The following PABPN1L variants were observed in gnomAD, a reference collection of about 807,000 sequenced individuals.
The protein encoded by PABPN1L is PABPN1 like, cytoplasmic.
A neutral mutation model predicts 34.0 loss-of-function variants in PABPN1L; 45 were observed. The ratio of observed to expected loss-of-function variants is 1.32; its 90% CI spans 1.04 to 1.70. The LOEUF (loss-of-function observed/expected upper bound fraction) is 1.70, where lower values mean the gene tolerates loss of function less well. Among genes scored for constraint, PABPN1L ranks in the 40% most tolerant of loss-of-function variants. The pLI is 0.00. For missense variants in PABPN1L, 459 were observed against 367.8 expected (o/e 1.25, Z -2.03); for synonymous variants, 182 against 152.1 (o/e 1.20, Z -1.45).
chr16:88,867,364 A>G (rs902409884), upstream of PABPN1L, among the ~76,000 whole-genome samples: 4 of 151,612 alleles, frequency 2.6e-5, no homozygotes, highest in Admixed American at 2.6e-4. Flanking sequence ...AGTAGCTGGG[A>G]TTACAGGCAC....
At chr16:88,863,536 G>A (rs555139434) in exon 7 of PABPN1L, 266 of 648,972 alleles carry the variant, frequency 4.1e-4, no homozygotes, top group African/African-American at 2.9e-3. Context: ...GCTCACCACC[G>A]GGCCGTGGCT....
At chr16:88,863,587 AGGCCCTACTG>A in exon 7 of PABPN1L, 1 of 850,760 alleles carries the variant, frequency 1.2e-6, no homozygotes, top group South Asian at 1.4e-5. Context: ...CCACCATACA[AGGCCCTACTG>A]GGCCATCCCC....
chr16:88,867,442 G>T (rs1300026528), upstream of PABPN1L, among the ~76,000 whole-genome samples: 2 of 152,110 alleles, frequency 1.3e-5, no homozygotes, highest in Non-Finnish European at 2.9e-5. Flanking sequence ...TGTTGCCCAG[G>T]CTGGTCTCGA....
chr16:88,864,556 C>T (rs920989709), intron 5 of PABPN1L, among the ~76,000 whole-genome samples, 177 bp from the exon 6 acceptor site: 2 of 133,374 alleles, frequency 1.5e-5, no homozygotes, highest in African/African-American at 3.1e-5. Context: ...CCGTCACGGC[C>T]AGCACCCCTG....
chr16:88,868,144 C>T (rs141819900), upstream of PABPN1L, among the ~76,000 whole-genome samples: 625 of 152,310 alleles, frequency 4.1e-3, 3 homozygotes, highest in African/African-American at 0.014. Context: ...AGCCTGGGAA[C>T]CCAGGCTCCT....
intron 3 of PABPN1L, 137 bp from the exon 4 acceptor site, chr16:88,865,265 G>T: frequency 1.1e-6 from 1 of 894,990 alleles, no homozygotes; most frequent in Non-Finnish European, 1.7e-6. Context: ...CCACACCCCC[G>T]CTGGGGTTGG....
At chr16:88,863,792 G>A (rs1348417539) in exon 7 of PABPN1L, 1 of 1,535,976 alleles carries the variant, frequency 6.5e-7, no homozygotes, top group Admixed American at 2.0e-5. Context: ...ATTTTCCACG[G>A]GCCCTGCACG....
intron 5 of PABPN1L, 91 bp downstream of exon 5, chr16:88,864,762 A>G (rs962072085): frequency 6.0e-5 from 82 of 1,359,552 alleles, no homozygotes; most frequent in Middle Eastern, 2.3e-4. Context: ...CGCTGTGCAG[A>G]GAGGAGCCAG....
At chr16:88,867,395 T>A (rs1968625349), upstream of PABPN1L, among the ~76,000 whole-genome samples, 1 of 151,732 alleles carries the variant, frequency 6.6e-6, no homozygotes, top group African/African-American at 2.4e-5. Context: ...GCCCAGCTAA[T>A]TTTTTTTGTC....
chr16:88,865,420 G>A, intron 3 of PABPN1L, 143 bp downstream of exon 3: 1 of 1,032,528 alleles, frequency 9.7e-7, no homozygotes, highest in Non-Finnish European at 1.4e-6. Flanking sequence ...GCCCAGGCCA[G>A]TGTTTCCTCA....
chr16:88,863,942 C>G (rs530582110), intron 6 of PABPN1L, 147 bp from the exon 7 acceptor site: 1 of 928,794 alleles, frequency 1.1e-6, no homozygotes, highest in East Asian at 2.6e-5. Flanking sequence ...TGACTCCCAG[C>G]TGCTCTCTTG....
upstream of PABPN1L, among the ~76,000 whole-genome samples, chr16:88,869,307 G>T (rs148165209): frequency 5.1e-4 from 78 of 152,324 alleles, no homozygotes; most frequent in East Asian, 0.012. Context: ...TATGGCCCTG[G>T]ACGCCCCTTC....
chr16:88,864,553 G>A (rs879297322), intron 5 of PABPN1L, among the ~76,000 whole-genome samples, 174 bp from the exon 6 acceptor site: 31 of 132,704 alleles, frequency 2.3e-4, no homozygotes, highest in Non-Finnish European at 3.8e-4. Context: ...ACCCCGTCAC[G>A]GCCAGCACCC....
At chr16:88,864,154 A>G in intron 6 of PABPN1L, 83 bp downstream of exon 6, 1 of 1,447,898 alleles carries the variant, frequency 6.9e-7, no homozygotes, top group Non-Finnish European at 9.2e-7. Context: ...CCCATGAGGA[A>G]CGAGCTCAGG....
chr16:88,866,262 T>C (rs1968590437), intron 1 of PABPN1L, 90 bp downstream of exon 1: 1 of 1,473,592 alleles, frequency 6.8e-7, no homozygotes, highest in Non-Finnish European at 9.0e-7. Context: ...CTAAGTCAGC[T>C]GCAGCCATCC....
upstream of PABPN1L, among the ~76,000 whole-genome samples, chr16:88,867,753 C>T (rs1029176129): frequency 6.6e-6 from 1 of 152,172 alleles, no homozygotes; most frequent in Non-Finnish European, 1.5e-5. Context: ...TCCGCCCTTG[C>T]GCCTCCCTCT....
At chr16:88,865,963 C>G in intron 1 of PABPN1L, 22 bp from the exon 2 acceptor site, 2 of 1,597,544 alleles carry the variant, frequency 1.3e-6, no homozygotes, top group Non-Finnish European at 1.7e-6. Context: ...CGGCCCTGAG[C>G]CGGGCAGGCA....
chr16:88,865,682 T>G, intron 2 of PABPN1L, 52 bp from the exon 3 acceptor site: 1 of 1,563,254 alleles, frequency 6.4e-7, no homozygotes, highest in Non-Finnish European at 8.7e-7. Flanking sequence ...TCCTCACTCC[T>G]CTCACGGGGA....
At chr16:88,864,207 C>T in intron 6 of PABPN1L, 30 bp downstream of exon 6, 1 of 1,504,900 alleles carries the variant, frequency 6.6e-7, no homozygotes, top group East Asian at 2.5e-5. Flanking sequence ...GGCCCTCGCC[C>T]CCAGGCTGCC....
Sources: gnomAD v4.1 joint callset for allele counts (sites outside exome capture counted in the v4.1 genomes callset) on GRCh38, gnomAD v4.1.1 for gene constraint, MANE v1.5 for transcripts, NCBI Gene and HGNC (gene_info 2026-07-23, HGNC 2026-07-21) for gene names.